The following PDE1A variants were observed in gnomAD, a reference collection of about 807,000 sequenced individuals.
PDE1A encodes dual specificity calcium/calmodulin-dependent 3',5'-cyclic nucleotide phosphodiesterase 1A.
In PDE1A, 35 loss-of-function variants were observed where a neutral mutation model predicts 61.7. That is an observed-to-expected ratio of 0.57 (90% CI 0.43 to 0.75). The LOEUF is 0.75. Ranked by LOEUF, PDE1A falls within the 30% of genes least tolerant of loss-of-function variation. The probability of loss-of-function intolerance (pLI) is 0.00; values close to 1 mark genes in which losing one functional copy is unlikely to be tolerated. For missense variants in PDE1A, 597 were observed against 630.6 expected (o/e 0.95, Z 0.57); for synonymous variants, 232 against 213.2 (o/e 1.09, Z -0.77).
the PDE1A span, among the ~76,000 whole-genome samples, chr2:182,569,876 C>A: frequency 0.23 from 34,878 of 152,176 alleles, 4,925 homozygotes; most frequent in Middle Eastern, 0.31. Flanking sequence ...TCTAGCCTTT[C>A]TTCAATGGCC....
chr2:182,481,154 G>A (rs1212651775), intron 2 of PDE1A, among the ~76,000 whole-genome samples: 1 of 151,894 alleles, frequency 6.6e-6, no homozygotes, highest in Admixed American at 6.6e-5. Context: ...AAAAGCAATC[G>A]AAAAGTTTTG....
intron 1 of PDE1A, among the ~76,000 whole-genome samples, chr2:182,422,601 A>G (rs1214479087): frequency 6.6e-6 from 1 of 152,246 alleles, no homozygotes; most frequent in African/African-American, 2.4e-5. Context: ...TGAGTATGCA[A>G]TAAGGTGGAA....
At chr2:182,321,765 T>C (rs1302548726) in intron 1 of PDE1A, among the ~76,000 whole-genome samples, 1 of 152,158 alleles carries the variant, frequency 6.6e-6, no homozygotes, top group Non-Finnish European at 1.5e-5. Flanking sequence ...AAGCTGAAAG[T>C]TGTACAAACC....
At chr2:182,446,432 C>T (rs1685139362) in intron 2 of PDE1A, among the ~76,000 whole-genome samples, 1 of 152,064 alleles carries the variant, frequency 6.6e-6, no homozygotes, top group Non-Finnish European at 1.5e-5. Flanking sequence ...ATTTTACTGC[C>T]ATTAAACATT....
Position 182,366,448 on chromosome 2 carries a change from C to T in PDE1A, c.53+60130G>A, listed in dbSNP as rs79905968. Among the ~76,000 whole-genome samples, 548 of 152,048 alleles carry T rather than the reference C, an allele frequency of 3.6e-3. 1 individual carries two copies. Among genetic ancestry groups the T allele is most frequent in the African/African-American group, 0.012 (519 of 41,528 alleles). ...ATTTGCCGTTGGATCTCTTAAAGTT[C>T]GTCACATAACCTTAAACACCCTAAA... On this transcript the variant is annotated intron_variant, in intron 1 of 13. Transcript: ENST00000351439.
At chr2:182,386,776 C>T (rs1471348092) in intron 1 of PDE1A, among the ~76,000 whole-genome samples, 1 of 151,622 alleles carries the variant, frequency 6.6e-6, no homozygotes, top group African/African-American at 2.4e-5. Flanking sequence ...CCCACCCGGC[C>T]AGCCGCCCTG....
chr2:182,192,045 T>C (rs1574633569), intron 10 of PDE1A, among the ~76,000 whole-genome samples: 1 of 151,824 alleles, frequency 6.6e-6, no homozygotes, highest in Admixed American at 6.6e-5. Flanking sequence ...TTAGTAGAGA[T>C]GGGGTTTCAC....
the PDE1A span, among the ~76,000 whole-genome samples, chr2:182,633,613 A>G: frequency 6.6e-6 from 1 of 152,130 alleles, no homozygotes; most frequent in Non-Finnish European, 1.5e-5. Context: ...GAATCATGTG[A>G]CTTCTGGACC....
intron 10 of PDE1A, among the ~76,000 whole-genome samples, chr2:182,191,442 G>A (rs778974803): frequency 5.9e-5 from 9 of 152,094 alleles, no homozygotes; most frequent in Non-Finnish European, 1.2e-4. Flanking sequence ...TAAAGCTACC[G>A]ATAGGCTTTT....
intron 6 of PDE1A, among the ~76,000 whole-genome samples, chr2:182,227,235 G>T (rs956492606): frequency 2.0e-5 from 3 of 151,994 alleles, no homozygotes; most frequent in African/African-American, 7.2e-5. Flanking sequence ...ATGGGTAGAA[G>T]CTAATAGAGT....
the PDE1A span, among the ~76,000 whole-genome samples, chr2:182,676,696 C>T: frequency 2.6e-5 from 4 of 152,156 alleles, no homozygotes; most frequent in Non-Finnish European, 5.9e-5. Context: ...TCCAGCAGCA[C>T]ATCAAAAAGT....
At chr2:182,573,392 T>A in the PDE1A span, among the ~76,000 whole-genome samples, 1 of 152,108 alleles carries the variant, frequency 6.6e-6, no homozygotes, top group African/African-American at 2.4e-5. Flanking sequence ...AAGGAAATCA[T>A]TTTTTAAAAA....
intron 1 of PDE1A, among the ~76,000 whole-genome samples, chr2:182,299,845 T>A (rs1482222333): frequency 6.6e-6 from 1 of 152,318 alleles, no homozygotes; most frequent in Admixed American, 6.5e-5. Flanking sequence ...CAATATAGTC[T>A]GAAGGGACCT....
At chr2:182,591,741 C>T in the PDE1A span, among the ~76,000 whole-genome samples, 78 of 152,260 alleles carry the variant, frequency 5.1e-4, no homozygotes, top group African/African-American at 1.8e-3. Flanking sequence ...GGTTGAGAGG[C>T]AAAATCACCC....
intron 7 of PDE1A, among the ~76,000 whole-genome samples, chr2:182,210,755 A>G (rs1687515720): frequency 6.6e-6 from 1 of 151,540 alleles, no homozygotes; most frequent in Non-Finnish European, 1.5e-5. Context: ...TTTTTCTTCT[A>G]TGTAATCTTC....
intron 13 of PDE1A, among the ~76,000 whole-genome samples, chr2:182,159,711 T>G (rs544487237): frequency 6.6e-6 from 1 of 152,260 alleles, no homozygotes; most frequent in African/African-American, 2.4e-5. Flanking sequence ...CTCTTGCACT[T>G]TGGGAGGCTG....
intron 2 of PDE1A, among the ~76,000 whole-genome samples, chr2:182,491,413 A>G (rs1688384480): frequency 1.3e-5 from 2 of 152,288 alleles, no homozygotes; most frequent in South Asian, 4.1e-4. Context: ...TGGGAGGAGC[A>G]GAAAGGAATG....
At chr2:182,640,829 G>A in the PDE1A span, among the ~76,000 whole-genome samples, 1 of 151,864 alleles carries the variant, frequency 6.6e-6, no homozygotes, top group Non-Finnish European at 1.5e-5. Context: ...AGACCAGACT[G>A]GTCAACATAG....
the PDE1A span, among the ~76,000 whole-genome samples, chr2:182,673,075 GA>G: frequency 6.6e-6 from 1 of 152,100 alleles, no homozygotes; most frequent in Non-Finnish European, 1.5e-5. Context: ...CAATACAACA[GA>G]AAAAGGGTCC....
Sources: allele counts gnomAD v4.1 joint callset (sites outside exome capture counted in the v4.1 genomes callset), GRCh38; gene constraint gnomAD v4.1.1; transcripts MANE v1.5; gene names NCBI Gene and HGNC (gene_info 2026-07-23, HGNC 2026-07-21).